ARHGAP39: variants seen among roughly 807,000 people sequenced by gnomAD.
The protein encoded by ARHGAP39 is Rho GTPase activating protein 39.
Under a neutral mutation model 106.9 loss-of-function variants are expected in ARHGAP39, and 44 were observed. That is an observed-to-expected ratio of 0.41 (90% CI 0.32 to 0.53). The LOEUF is 0.53. Ranked by LOEUF, ARHGAP39 falls within the 20% of genes least tolerant of loss-of-function variation. The pLI, the probability that ARHGAP39 is intolerant of heterozygous loss-of-function variation, is 0.21. For missense variants in ARHGAP39, 1,496 were observed against 1,577.3 expected, an observed-to-expected ratio of 0.95 and a Z score of 0.87; for synonymous variants, 768 against 693.2, an observed-to-expected ratio of 1.11 and a Z score of -1.69.
At chr8:144,689,177 T>C (rs1018482773), upstream of ARHGAP39, among the ~76,000 whole-genome samples, 3 of 151,778 alleles carry the variant, frequency 2.0e-5, no homozygotes, top group Non-Finnish European at 4.4e-5. Flanking sequence ...GTTCCTCTCC[T>C]AGGGAGGTGC....
At chr8:144,695,544 G>A in the ARHGAP39 span, among the ~76,000 whole-genome samples, 20 of 152,024 alleles carry the variant, frequency 1.3e-4, no homozygotes, top group Non-Finnish European at 2.1e-4. Flanking sequence ...TAGAGAAAAC[G>A]CCACACTTTG....
At chr8:144,560,472 G>A (rs1042991613) in intron 3 of ARHGAP39, among the ~76,000 whole-genome samples, 3 of 152,164 alleles carry the variant, frequency 2.0e-5, no homozygotes, top group Non-Finnish European at 2.9e-5. Context: ...AATGGCAAAC[G>A]TTAAAGTTGG....
At chr8:144,581,808 C>T (rs555414006) in intron 2 of ARHGAP39, among the ~76,000 whole-genome samples, 9 of 152,282 alleles carry the variant, frequency 5.9e-5, no homozygotes, top group Non-Finnish European at 1.0e-4. Flanking sequence ...CTCAGACCCC[C>T]GATGGGGGGC....
chr8:144,618,209 C>T (rs1019244803), intron 1 of ARHGAP39, among the ~76,000 whole-genome samples: 1 of 152,254 alleles, frequency 6.6e-6, no homozygotes, highest in Non-Finnish European at 1.5e-5. Context: ...AAAGCCCACC[C>T]GAGCCCAGTG....
chr8:144,537,640 A>C, intron 7 of ARHGAP39, 81 bp downstream of exon 7: 3 of 1,076,184 alleles, frequency 2.8e-6, no homozygotes, highest in Non-Finnish European at 2.8e-6. Context: ...AAGCGGTTAG[A>C]GAAGAGAAGG....
intron 1 of ARHGAP39, among the ~76,000 whole-genome samples, chr8:144,680,689 T>A (rs545617298): frequency 6.6e-6 from 1 of 152,304 alleles, no homozygotes; most frequent in Admixed American, 6.5e-5. Flanking sequence ...CTAAATATTA[T>A]GGTTTTCCCA....
intron 1 of ARHGAP39, among the ~76,000 whole-genome samples, chr8:144,642,379 C>T (rs925720799): frequency 6.6e-6 from 1 of 151,968 alleles, no homozygotes; most frequent in Non-Finnish European, 1.5e-5. Flanking sequence ...CCCAGCTACT[C>T]AGGAGGCTGA....
intron 1 of ARHGAP39, among the ~76,000 whole-genome samples, chr8:144,624,296 A>T (rs1296856263): frequency 6.6e-6 from 1 of 152,262 alleles, no homozygotes; most frequent in Non-Finnish European, 1.5e-5. Flanking sequence ...GCTTGGACAA[A>T]ACAATGAATC....
chr8:144,562,359 C>T (rs1411085980), intron 3 of ARHGAP39, among the ~76,000 whole-genome samples: 1 of 151,814 alleles, frequency 6.6e-6, no homozygotes, highest in African/African-American at 2.4e-5. Flanking sequence ...CCAGTGGTTT[C>T]CATCGGACCC....
intron 1 of ARHGAP39, among the ~76,000 whole-genome samples, chr8:144,683,766 G>A (rs186003804): frequency 4.6e-5 from 7 of 152,086 alleles, no homozygotes; most frequent in African/African-American, 1.7e-4. Flanking sequence ...CAGCTTTCTT[G>A]TGTGAGAAAC....
At chr8:144,651,860 G>A (rs1821582014) in intron 1 of ARHGAP39, among the ~76,000 whole-genome samples, 1 of 152,060 alleles carries the variant, frequency 6.6e-6, no homozygotes, top group Non-Finnish European at 1.5e-5. Flanking sequence ...AATGGTACTG[G>A]TACAAAAACA....
chr8:144,568,873 GAAA>G (rs111230522), intron 3 of ARHGAP39, among the ~76,000 whole-genome samples: 1 of 146,632 alleles, frequency 6.8e-6, no homozygotes, highest in Non-Finnish European at 1.5e-5. Context: ...AGTGCAGAAG[GAAA>G]AAAAAAAGAG....
intron 3 of ARHGAP39, among the ~76,000 whole-genome samples, chr8:144,579,446 C>G (rs908917612): frequency 2.9e-4 from 44 of 152,120 alleles, no homozygotes; most frequent in African/African-American, 1.0e-3. Flanking sequence ...CGCTCGCTCA[C>G]CCACGCCACG....
intron 6 of ARHGAP39, 69 bp from the exon 7 acceptor site, chr8:144,537,882 G>T (rs1293367854): frequency 2.8e-6 from 4 of 1,428,178 alleles, no homozygotes; most frequent in East Asian, 4.6e-5. Context: ...CTCAGCTCCC[G>T]CACTTGGCTG....
At chr8:144,600,204 C>CGT (rs916592792) in intron 2 of ARHGAP39, among the ~76,000 whole-genome samples, 3 of 136,334 alleles carry the variant, frequency 2.2e-5, no homozygotes, top group East Asian at 4.6e-4. Context: ...CCTGCGTGTG[C>CGT]GTGTGTGTGG....
chr8:144,639,313 G>A (rs1371955894), intron 1 of ARHGAP39, among the ~76,000 whole-genome samples: 73 of 140,814 alleles, frequency 5.2e-4, no homozygotes, highest in African/African-American at 1.8e-3. Flanking sequence ...GTGACAGAGC[G>A]AGATGCTGTC....
At chr8:144,700,271 C>A in the ARHGAP39 span, 2 of 152,178 alleles carry the variant, frequency 1.3e-5, no homozygotes, top group Admixed American at 6.5e-5. The surrounding 1 kb of genome is among the most constrained non-coding windows in gnomAD (Gnocchi z 5.6). Context: ...GGGAGCCAGG[C>A]GGGAGAGAGG....
chr8:144,532,486 T>C, intron 9 of ARHGAP39, 90 bp from the exon 10 acceptor site: 2 of 1,239,010 alleles, frequency 1.6e-6, no homozygotes, highest in Non-Finnish European at 2.3e-6. Context: ...AGGCCCCTGC[T>C]GACCCGGGGA....
intron 1 of ARHGAP39, among the ~76,000 whole-genome samples, chr8:144,617,633 C>T (rs1011431454): frequency 1.3e-5 from 2 of 151,266 alleles, no homozygotes; most frequent in Non-Finnish European, 1.5e-5. Flanking sequence ...CCAGCCGCAC[C>T]CGCTCTAGTC....
Sources: allele counts gnomAD v4.1 joint callset (sites outside exome capture counted in the v4.1 genomes callset), GRCh38; gene constraint gnomAD v4.1.1; non-coding constraint Gnocchi (gnomAD v3.1); transcripts MANE v1.5; gene names NCBI Gene and HGNC (gene_info 2026-07-23, HGNC 2026-07-21).